Variants in FOXR1 observed in about 807,000 individuals in gnomAD.
The protein encoded by FOXR1 is forkhead box R1, also known as forkhead box protein R1.
Under a neutral mutation model 34.5 loss-of-function variants are expected in FOXR1, and 25 were observed. The observed-to-expected ratio is 0.72, with a 90% CI of 0.53 to 1.01. The LOEUF (loss-of-function observed/expected upper bound fraction) is 1.01. FOXR1 is among the 50% of genes least tolerant of loss of function. The pLI is 0.00. For synonymous variants in FOXR1, 153 were observed against 141.6 expected (o/e 1.08, Z -0.57); for missense variants, 373 against 376.2 (o/e 0.99, Z 0.07).
At chr11:118,973,909 G>C (rs927834585) in intron 1 of FOXR1, among the ~76,000 whole-genome samples, 1 of 151,986 alleles carries the variant, frequency 6.6e-6, no homozygotes, top group African/African-American at 2.4e-5. Flanking sequence ...GGCCAGCCAG[G>C]CTGGTCTCAA....
intron 1 of FOXR1, among the ~76,000 whole-genome samples, chr11:118,976,591 G>T (rs1223350821): frequency 6.6e-6 from 1 of 152,188 alleles, no homozygotes; most frequent in Non-Finnish European, 1.5e-5. Context: ...AGATTGATTA[G>T]TATATAAGTT....
chr11:118,972,136 C>CCCA, intron 1 of FOXR1, 144 bp downstream of exon 1: 1 of 548,580 alleles, frequency 1.8e-6, no homozygotes, highest in Non-Finnish European at 3.0e-6. Flanking sequence ...CGCGCCCCCC[C>CCCA]CCCCCGACGG....
Position 118,980,520 on chromosome 11 carries a change from G to A in FOXR1, c.642G>A (p.Pro214=), listed in dbSNP as rs376701436. The A allele has an allele frequency of 3.7e-5, 60 of 1,614,228 alleles. No individual in the cohort carries two copies. The highest frequency in any genetic ancestry group is 1.3e-4 in the South Asian group (12 of 91,086). The stretch of plus-strand genomic sequence containing the variant: ...ACTTCCCCTTTTTCCGGACGGCCCC[G>A]GAAGGCTGGAAGAATACTGTCCGTC... ...RKHFPFFRTA[P]EGWKNTVRHN... Residue 214 remains proline (P), a synonymous_variant, in exon 5 of 6, where the codon CCG becomes CCA. Transcript: ENST00000317011.
chr11:118,972,867 C>G (rs556434207), intron 1 of FOXR1, among the ~76,000 whole-genome samples: 1 of 151,746 alleles, frequency 6.6e-6, no homozygotes, highest in African/African-American at 2.4e-5. Context: ...GATTACAGGC[C>G]TGAGCCACCG....
At chr11:118,978,929 G>A in intron 2 of FOXR1, 28 bp from the exon 3 acceptor site, 1 of 1,613,552 alleles carries the variant, frequency 6.2e-7, no homozygotes, top group Non-Finnish European at 8.5e-7. Context: ...CCAGTGGGCT[G>A]TGGCACACAA....
In FOXR1 at chr11:118,979,144, G is replaced by C. The variant is rs1203037492; in HGVS notation, c.324G>C (p.Gln108His). The change falls in exon 3 of 6, where the codon CAG becomes CAC. Residue 108 changes from glutamine to histidine, a missense_variant. Gln to His is a conservative substitution (Grantham distance 24). Transcript: ENST00000317011. ...CCGCAGGGGTGGAATCACTGTCCCAGTCCTCCAGCAAGCGGTCTCCCCCTC... is the reference window on the plus strand; with the variant it reads ...CCGCAGGGGTGGAATCACTGTCCCACTCCTCCAGCAAGCGGTCTCCCCCTC... ...SEAAGVESLS[Q>H]SSSKRSPPRK... The C allele has an allele frequency of 1.3e-6, 2 of 1,586,704 alleles. No homozygotes were observed. The highest frequency in any genetic ancestry group is 1.7e-6 in the Non-Finnish European group (2 of 1,168,074).
chr11:118,972,107 C>A, intron 1 of FOXR1, 115 bp downstream of exon 1: 5 of 799,252 alleles, frequency 6.3e-6, no homozygotes, highest in African/African-American at 2.0e-5. Flanking sequence ...CCCGGGGAGG[C>A]TTGGGGGGCC....
At chr11:118,973,460 C>T (rs1289295717) in intron 1 of FOXR1, among the ~76,000 whole-genome samples, 4 of 152,008 alleles carry the variant, frequency 2.6e-5, no homozygotes, top group African/African-American at 9.7e-5. Flanking sequence ...CTCTGTTGCC[C>T]ACGCTGCAGT....
Position 118,980,718 on chromosome 11 carries a change from G to T in FOXR1, c.840G>T (p.Met280Ile). 1 of 1,612,204 alleles carries T rather than the reference G, an allele frequency of 6.2e-7. No homozygotes were observed. The highest frequency in any genetic ancestry group is 1.1e-5 in the South Asian group (1 of 91,046). Reference protein sequence around the residue: ...STRLESIQQCMSQPDVMPFLF... With the variant: ...STRLESIQQCISQPDVMPFLF... ...GGCTAGAAAGTATCCAACAGTGCATGAGCCAGCCAGGTGTGAAGACTTGTT... is the reference window on the plus strand; with the variant it reads ...GGCTAGAAAGTATCCAACAGTGCATTAGCCAGCCAGGTGTGAAGACTTGTT... The change falls in exon 5 of 6, where the codon ATG becomes ATT. Residue 280 changes from methionine to isoleucine, a missense_variant. By Grantham distance (10) the Met-to-Ile change is conservative (BLOSUM62 1). Coordinates refer to ENST00000317011, the MANE Select transcript of FOXR1 (RefSeq NM_181721.3).
chr11:118,976,277 C>T (rs1466108619), intron 1 of FOXR1, among the ~76,000 whole-genome samples: 9 of 152,224 alleles, frequency 5.9e-5, no homozygotes, highest in Non-Finnish European at 1.3e-4. Context: ...CTCACTGCAA[C>T]CTCCCTTTTC....
chr11:118,971,784 G>T lies in FOXR1; in HGVS notation c.-148G>T. The T allele has an allele frequency of 1.3e-6, 1 of 785,632 alleles. No individual in the cohort carries two copies. Among genetic ancestry groups the T allele is most frequent in the Non-Finnish European group, 2.1e-6 (1 of 471,310 alleles). 48.7% of individuals were successfully genotyped at this position (785,632 alleles called of 1,614,324 possible). ...GCGCATTTGAGAAGGCGCCTGTGAG[G>T]GTCGCTCCTCAGCCGCCGCGCTCCC... is the stretch of plus-strand genomic sequence containing the variant. On this transcript the variant is annotated 5_prime_UTR_variant, in exon 1 of 6. Transcript: ENST00000317011.
intron 1 of FOXR1, among the ~76,000 whole-genome samples, chr11:118,977,542 C>T (rs1239406202): frequency 6.6e-6 from 1 of 152,050 alleles, no homozygotes; most frequent in Non-Finnish European, 1.5e-5. Context: ...GGCAACCAAG[C>T]AAGACCCTGT....
chr11:118,980,288 G>A (rs1182452908), intron 4 of FOXR1: 4 of 702,492 alleles, frequency 5.7e-6, no homozygotes, highest in Admixed American at 2.0e-5. Context: ...GGCCCTCAGA[G>A]GGAGGGAGGG....
At chr11:118,973,574 A>G (rs759693401) in intron 1 of FOXR1, among the ~76,000 whole-genome samples, 6 of 151,590 alleles carry the variant, frequency 4.0e-5, no homozygotes, top group Admixed American at 6.6e-5. Flanking sequence ...TAATTTTTGT[A>G]TTTTTAGTAA....
intron 1 of FOXR1, among the ~76,000 whole-genome samples, chr11:118,973,852 C>G (rs888311314): frequency 5.3e-5 from 8 of 152,060 alleles, no homozygotes; most frequent in Admixed American, 3.3e-4. Context: ...CATCACCACA[C>G]CCAGCTAATT....
chr11:118,977,315 G>T (rs941103522), intron 1 of FOXR1, among the ~76,000 whole-genome samples: 14 of 151,946 alleles, frequency 9.2e-5, no homozygotes, highest in African/African-American at 3.4e-4. Context: ...TACAGGTGTG[G>T]GCCACCGCAC....
At chr11:118,977,358 G>A (rs1170245562) in intron 1 of FOXR1, among the ~76,000 whole-genome samples, 1 of 152,118 alleles carries the variant, frequency 6.6e-6, no homozygotes, top group Admixed American at 6.6e-5. Flanking sequence ...GCTATAATAT[G>A]TGCATAAAAC....
rs59884679 is a variant in FOXR1, at chr11:118,975,499, T to TCTTGAGCAGC, written c.62-3257_62-3248dup. On this transcript the variant is annotated intron_variant, in intron 1 of 5. Coordinates refer to ENST00000317011, the MANE Select transcript of FOXR1 (RefSeq NM_181721.3). ...GTGGCACCAGCACAGCTCACTGCAG[T>TCTTGAGCAGC]CTTGAGCAGCCTTGAGCAGCCTTGA... Among the ~76,000 whole-genome samples the TCTTGAGCAGC allele has an allele frequency of 4.5e-3, 676 of 150,370 alleles. 15 individuals carry two copies. In the East Asian group the frequency reaches 0.058, roughly 13 times the overall value.
In FOXR1 at chr11:118,979,517, C is replaced by G. The variant is rs1411208493; in HGVS notation, c.460C>G (p.Pro154Ala). The stretch of plus-strand genomic sequence containing the variant: ...TCTCCCATCCCCTCACAAAAGGGCC[C>G]CCCTCCAGAGTCGGAGGCTTCGGCA... ...MALPSPHKRA[P>A]LQSRRLRQAS... The change falls in exon 4 of 6, where the codon CCC becomes GCC. Residue 154 changes from proline to alanine, a missense_variant. By Grantham distance (27) the Pro-to-Ala change is conservative. Transcript: ENST00000317011. 6.2e-7 allele frequency: 1 copy of G among 1,613,616 alleles called. No individual in the cohort carries two copies. Among genetic ancestry groups the G allele is most frequent in the South Asian group, 1.1e-5 (1 of 90,962 alleles).
Sources: gnomAD v4.1 joint callset for allele counts (sites outside exome capture counted in the v4.1 genomes callset) on GRCh38, gnomAD v4.1.1 for gene constraint, MANE v1.5 for transcripts, NCBI Gene and HGNC (gene_info 2026-07-23, HGNC 2026-07-21) for gene names.